The following PXDNL variants were observed in gnomAD, a reference collection of about 807,000 sequenced individuals.
PXDNL encodes the protein peroxidasin like.
PXDNL carries 145 observed loss-of-function variants against 150.8 expected under a neutral mutation model. That is an observed-to-expected ratio of 0.96 (90% CI 0.84 to 1.10). The LOEUF (loss-of-function observed/expected upper bound fraction) is 1.10. Ranked by LOEUF, PXDNL falls within the 50% of genes least tolerant of loss-of-function variation. PXDNL has a pLI of 0.00. For missense variants in PXDNL, 2,087 were observed against 1,873.9 expected, an observed-to-expected ratio of 1.11 and a Z score of -2.10; for synonymous variants, 757 against 725.7, an observed-to-expected ratio of 1.04 and a Z score of -0.69.
At chr8:51,562,753 A>G (rs1298161026) in intron 3 of PXDNL, among the ~76,000 whole-genome samples, 1 of 152,036 alleles carries the variant, frequency 6.6e-6, no homozygotes, top group Non-Finnish European at 1.5e-5. Context: ...GATGACAGAC[A>G]TCACAGATAG....
intron 1 of PXDNL, among the ~76,000 whole-genome samples, chr8:51,750,654 T>C (rs1363388373): frequency 6.6e-6 from 1 of 152,224 alleles, no homozygotes; most frequent in African/African-American, 2.4e-5. Flanking sequence ...AATCTTTCTT[T>C]AGTTCCAGAT....
intron 1 of PXDNL, among the ~76,000 whole-genome samples, chr8:51,800,136 G>A (rs1256948424): frequency 1.3e-5 from 2 of 152,074 alleles, no homozygotes; most frequent in Non-Finnish European, 2.9e-5. Context: ...GTGGTCCACA[G>A]CACTCTTAGA....
Position 51,363,584 on chromosome 8 carries a change from C to T in PXDNL, c.3901+8289G>A, listed in dbSNP as rs200186606. Among the ~76,000 whole-genome samples the T allele has an allele frequency of 1.4e-4, 21 of 152,206 alleles. No homozygotes were observed. In the East Asian group the frequency reaches 2.1e-3, roughly 15 times the overall value. On this transcript the variant is annotated intron_variant, in intron 19 of 22. Transcript: ENST00000356297. ...GGGATTTTCACAGTGCTTTTCCATACGATGTCTGTAATTTATAGATAACAT... is the reference window on the plus strand; with the variant it reads ...GGGATTTTCACAGTGCTTTTCCATATGATGTCTGTAATTTATAGATAACAT...
rs186983756 is a variant in PXDNL at position 51,666,461 on chromosome 8, T to C, written c.165-11701A>G. Among the ~76,000 whole-genome samples the C allele has an allele frequency of 1.1e-3, 171 of 152,296 alleles. 1 individual carries two copies. The highest frequency in any genetic ancestry group is 0.01 in the Middle Eastern group (3 of 294). On this transcript the variant is annotated intron_variant, in intron 1 of 22. Coordinates refer to ENST00000356297, the MANE Select transcript of PXDNL (RefSeq NM_144651.5). ...ACTTAGGGAGATACATATACATATA[T>C]ACATGCATATATCCATATACATACA...
At chr8:51,461,412 G>C (rs186596098) in intron 8 of PXDNL, among the ~76,000 whole-genome samples, 1 of 152,244 alleles carries the variant, frequency 6.6e-6, no homozygotes, top group African/African-American at 2.4e-5. Context: ...GGTGCAGAAG[G>C]CTTGGGATAA....
In PXDNL at chr8:51,435,967, A is replaced by G. The variant is rs138397809; in HGVS notation, c.1526-9209T>C. 363 of 510,606 alleles carry G rather than the reference A, an allele frequency of 7.1e-4. 1 individual carries two copies. Among genetic ancestry groups the G allele is most frequent in the African/African-American group, 6.7e-3 (339 of 50,684 alleles). 31.6% of individuals were successfully genotyped at this position (510,606 alleles called of 1,614,324 possible). A position where few individuals can be genotyped will look rare whatever the true frequency, so the allele number is the denominator to read the frequency against. On this transcript the variant is annotated intron_variant, in intron 12 of 22. Transcript: ENST00000356297. ...AATAAATGCATCTACTTTGAAGCTAAGAAAAAAACAGGATCTCTTTATGTA... is the reference window on the plus strand; with the variant it reads ...AATAAATGCATCTACTTTGAAGCTAGGAAAAAAACAGGATCTCTTTATGTA...
intron 1 of PXDNL, among the ~76,000 whole-genome samples, chr8:51,713,507 G>A (rs140524688): frequency 3.3e-5 from 5 of 152,264 alleles, no homozygotes; most frequent in African/African-American, 1.2e-4. Context: ...AGGCAAGGCT[G>A]GCCAACGTTG....
At chr8:51,618,006 G>A (rs1169743939) in intron 2 of PXDNL, among the ~76,000 whole-genome samples, 1 of 152,246 alleles carries the variant, frequency 6.6e-6, no homozygotes, top group Non-Finnish European at 1.5e-5. Context: ...AATGCCTTTT[G>A]AAGAAAATCC....
At chr8:51,332,758 C>A (rs1377192829) in intron 21 of PXDNL, among the ~76,000 whole-genome samples, 3 of 152,098 alleles carry the variant, frequency 2.0e-5, no homozygotes, top group African/African-American at 4.8e-5. Context: ...AAGACAAGGT[C>A]TTTGAACTAA....
intron 19 of PXDNL, among the ~76,000 whole-genome samples, chr8:51,355,227 A>G (rs1806470111): frequency 6.6e-6 from 1 of 152,230 alleles, no homozygotes; most frequent in South Asian, 2.1e-4. Flanking sequence ...ATGAAATACG[A>G]TGGTAATAAA....
intron 1 of PXDNL, among the ~76,000 whole-genome samples, chr8:51,770,340 T>G (rs1471509080): frequency 6.6e-6 from 1 of 152,196 alleles, no homozygotes; most frequent in Non-Finnish European, 1.5e-5. Context: ...ATAGCTATGA[T>G]CAAAGTGAAA....
At chr8:51,519,277 C>A (rs2130376143) in intron 4 of PXDNL, among the ~76,000 whole-genome samples, 1 of 152,222 alleles carries the variant, frequency 6.6e-6, no homozygotes, top group Admixed American at 6.5e-5. Context: ...TGCGGTGGCT[C>A]ACCCCTGTAA....
intron 12 of PXDNL, chr8:51,435,854 G>A: frequency 4.4e-6 from 2 of 459,432 alleles, no homozygotes; most frequent in South Asian, 3.6e-5. Flanking sequence ...ACTTGAGAAT[G>A]TTGATGCCTC....
intron 2 of PXDNL, among the ~76,000 whole-genome samples, chr8:51,608,002 G>GAAGGAAGGAAGGAAGA (rs1554557476): frequency 1.5e-5 from 1 of 64,690 alleles, no homozygotes; most frequent in African/African-American, 8.3e-5. Context: ...AGGAAGGAAG[G>GAAGGAAGGAAGGAAGA]AAGAAAGAAA....
At chr8:51,577,996 AAAGAGG>A (rs1813112410) in intron 3 of PXDNL, among the ~76,000 whole-genome samples, 3 of 45,450 alleles carry the variant, frequency 6.6e-5, no homozygotes, top group Admixed American at 2.5e-4. Flanking sequence ...AGAAAGAAAG[AAAGAGG>A]AAGGAAGGAA....
At chr8:51,776,635 G>T (rs911534337) in intron 1 of PXDNL, among the ~76,000 whole-genome samples, 1 of 152,092 alleles carries the variant, frequency 6.6e-6, no homozygotes, top group Admixed American at 6.5e-5. Context: ...CTTTTGGTCT[G>T]CTAGTCCAGT....
At chr8:51,366,584 T>C (rs1806926293) in intron 19 of PXDNL, among the ~76,000 whole-genome samples, 1 of 151,822 alleles carries the variant, frequency 6.6e-6, no homozygotes, top group African/African-American at 2.4e-5. Flanking sequence ...TACGTATTTA[T>C]GTATATAATG....
intron 20 of PXDNL, among the ~76,000 whole-genome samples, chr8:51,344,161 G>A (rs1024344572): frequency 1.3e-5 from 2 of 152,000 alleles, no homozygotes; most frequent in Non-Finnish European, 2.9e-5. Context: ...GTGGAGTATA[G>A]TGCCGTGATC....
chr8:51,538,200 A>C (rs1812128892), intron 4 of PXDNL, among the ~76,000 whole-genome samples: 1 of 152,232 alleles, frequency 6.6e-6, no homozygotes, highest in Admixed American at 6.5e-5. Context: ...CAAGATACAC[A>C]GGATGCTGTT....
Sources: allele counts gnomAD v4.1 joint callset (sites outside exome capture counted in the v4.1 genomes callset), GRCh38; gene constraint gnomAD v4.1.1; transcripts MANE v1.5; gene names NCBI Gene and HGNC (gene_info 2026-07-23, HGNC 2026-07-21).